PPP1R36: variants seen among roughly 807,000 people sequenced by gnomAD.
PPP1R36 encodes chromosome 14 open reading frame 50.
Under a neutral mutation model 53.4 loss-of-function variants are expected in PPP1R36, and 47 were observed. The observed-to-expected ratio is 0.88, with a 90% CI of 0.70 to 1.12. PPP1R36 has a LOEUF of 1.12. Ranked by LOEUF, PPP1R36 falls within the 50% of genes most tolerant of loss-of-function variation. The probability of loss-of-function intolerance (pLI) is 0.00; values close to 1 mark genes in which losing one functional copy is unlikely to be tolerated. For synonymous variants in PPP1R36, 153 were observed against 170.5 expected (o/e 0.90, Z 0.80); for missense variants, 456 against 513.9 (o/e 0.89, Z 1.09).
At position 64,549,978 on chromosome 14, in the gene PPP1R36, A is replaced by T; in HGVS notation, c.-20A>T. 6.4e-7 allele frequency: 1 copy of T among 1,556,944 alleles called. No individual in the cohort carries two copies. Among genetic ancestry groups the T allele is most frequent in the African/African-American group, 1.4e-5 (1 of 73,320 alleles). ...CGGGCGGTATCCTCGGCGACGCCGTATGGCTTCCAGGGCGAGGCCATGTAC... is the reference window on the plus strand; with the variant it reads ...CGGGCGGTATCCTCGGCGACGCCGTTTGGCTTCCAGGGCGAGGCCATGTAC... On this transcript the variant is annotated 5_prime_UTR_variant, in exon 1 of 12. The change abolishes an upstream ATG in the 5' untranslated region. Transcript: ENST00000298705.
chr14:64,587,179 TA>T lies in PPP1R36; in HGVS notation c.712-14del, dbSNP rs533130815. The T allele has an allele frequency of 3.0e-3, 4,790 of 1,590,162 alleles. 17 individuals are homozygous for T. Among genetic ancestry groups the T allele is most frequent in the Non-Finnish European group, 3.4e-3 (3,982 of 1,164,450 alleles). On this transcript the variant is annotated splice_polypyrimidine_tract_variant and intron_variant, in intron 9 of 11. Coordinates refer to ENST00000298705, the MANE Select transcript of PPP1R36 (RefSeq NM_172365.3). ...ACAGCTAAGGATCGTGATTCTTGTC[TA>T]TTTTTTGTTGTAGTCCTTTTATACT... is the stretch of plus-strand genomic sequence containing the variant.
chr14:64,558,093 C>T (rs921081067), intron 3 of PPP1R36, among the ~76,000 whole-genome samples: 13 of 152,064 alleles, frequency 8.5e-5, no homozygotes, highest in Admixed American at 7.2e-4. Flanking sequence ...GAGGATTGGG[C>T]AGGGAGGGGT....
intron 1 of PPP1R36, chr14:64,550,311 A>G (rs2080084260): frequency 1.5e-6 from 2 of 1,313,742 alleles, no homozygotes; most frequent in South Asian, 3.8e-5. Context: ...ACGAAATCCC[A>G]CCTCACCACC....
chr14:64,587,264 A>T lies in PPP1R36; in HGVS notation c.782A>T (p.Glu261Val). Residue 261 changes from glutamate to valine, a missense_variant, in exon 10 of 12, where the codon GAA (glutamate) becomes GTA (valine). Physicochemically the swap from Glu to Val is moderately radical, Grantham distance 121. Transcript: ENST00000298705. ...CGTCAACACTTGACAGAGATTGAAG[A>T]AGAAGTAGGGAGACTCTTTCGTACC... ...FRRQHLTEIE[E>V]EVGRLFRTNM... The T allele has an allele frequency of 6.2e-7, 1 of 1,613,660 alleles. No homozygotes were observed. The highest frequency in any genetic ancestry group is 8.5e-7 in the Non-Finnish European group (1 of 1,179,604).
At chr14:64,556,718 T>C (rs551947754) in intron 3 of PPP1R36, among the ~76,000 whole-genome samples, 69 of 149,910 alleles carry the variant, frequency 4.6e-4, no homozygotes, top group African/African-American at 1.6e-3. Context: ...ATTGCGCCAC[T>C]GTGCTCTAGC....
chr14:64,564,946 T>A (rs2080237558), intron 4 of PPP1R36, 109 bp downstream of exon 4: 3 of 700,012 alleles, frequency 4.3e-6, no homozygotes, highest in Non-Finnish European at 7.3e-6. Flanking sequence ...TAGGTCGCAA[T>A]GCGAATACCC....
At chr14:64,582,870 T>A (rs2080399786) in intron 8 of PPP1R36, among the ~76,000 whole-genome samples, 2 of 151,270 alleles carry the variant, frequency 1.3e-5, no homozygotes, top group Non-Finnish European at 3.0e-5. Context: ...TTTAATTTTT[T>A]AAAATTTAAT....
At chr14:64,558,001 T>TAGAA (rs10690207) in intron 3 of PPP1R36, among the ~76,000 whole-genome samples, 121,934 of 151,512 alleles carry the variant, frequency 0.8, 49,185 homozygotes, top group East Asian at 0.87. Flanking sequence ...AGAAAAAAAA[T>TAGAA]AGAGAAAGAA....
At chr14:64,578,807 C>T (rs946681640) in intron 8 of PPP1R36, among the ~76,000 whole-genome samples, 12 of 152,158 alleles carry the variant, frequency 7.9e-5, no homozygotes, top group African/African-American at 2.7e-4. Context: ...CACATGCATG[C>T]AAATGTTCAC....
At chr14:64,551,874 T>C (rs559767328) in intron 2 of PPP1R36, among the ~76,000 whole-genome samples, 113 of 152,316 alleles carry the variant, frequency 7.4e-4, no homozygotes, top group Non-Finnish European at 1.2e-3. Flanking sequence ...TTATTGAGCA[T>C]GTTCAAAGAA....
chr14:64,556,601 ATTT>A (rs753994540), intron 3 of PPP1R36, among the ~76,000 whole-genome samples: 4 of 122,866 alleles, frequency 3.3e-5, no homozygotes, highest in Non-Finnish European at 1.6e-5. Flanking sequence ...TGTTCCCACA[ATTT>A]TTTTTTTTTT....
chr14:64,587,167 G>C (rs1043837202), intron 9 of PPP1R36, 27 bp from the exon 10 acceptor site: 1 of 1,564,816 alleles, frequency 6.4e-7, no homozygotes, highest in South Asian at 1.2e-5. Flanking sequence ...GCTAAGGATC[G>C]TGATTCTTGT....
rs550858957 is a variant in PPP1R36 at position 64,553,434 on chromosome 14, A to C, written c.182+573A>C. On this transcript the variant is annotated intron_variant, in intron 3 of 11. Coordinates refer to ENST00000298705, the MANE Select transcript of PPP1R36 (RefSeq NM_172365.3). Reference sequence around the variant, plus strand: ...TTTTGTTTGTTCCCAAATTGTTCTTAAACTGTGGTTTGATTTGATTTCCAC... The same window carrying C: ...TTTTGTTTGTTCCCAAATTGTTCTTCAACTGTGGTTTGATTTGATTTCCAC... Among the ~76,000 whole-genome samples, 7 of 152,280 alleles carry C rather than the reference A, an allele frequency of 4.6e-5. No homozygotes were observed. In the South Asian group the frequency reaches 1.4e-3, roughly 32 times the overall value.
chr14:64,581,714 A>G (rs1391891015), intron 8 of PPP1R36, among the ~76,000 whole-genome samples: 1 of 152,136 alleles, frequency 6.6e-6, no homozygotes, highest in Non-Finnish European at 1.5e-5. Context: ...ACTACAACAC[A>G]TTATGCTGCG....
At chr14:64,565,545 C>T in intron 5 of PPP1R36, 81 bp from the exon 6 acceptor site, 1 of 1,416,302 alleles carries the variant, frequency 7.1e-7, no homozygotes, top group Admixed American at 1.7e-5. Context: ...CTACATATAA[C>T]ATCCATACAT....
In PPP1R36 at chr14:64,565,709, A is replaced by G; in HGVS notation, c.434+17A>G. 5.1e-6 allele frequency: 8 copies of G among 1,562,096 alleles called. No individual in the cohort carries two copies. Among genetic ancestry groups the G allele is most frequent in the Non-Finnish European group, 7.1e-6 (8 of 1,133,094 alleles). On this transcript the variant is annotated intron_variant, in intron 6 of 11. Transcript: ENST00000298705. ...ATTTATGAGGTATCTATTGCTTATGAGTCATTTTAGATCTTTTATCCTTTA... is the reference window on the plus strand; with the variant it reads ...ATTTATGAGGTATCTATTGCTTATGGGTCATTTTAGATCTTTTATCCTTTA...
chr14:64,555,771 C>T (rs1052777813), intron 3 of PPP1R36, among the ~76,000 whole-genome samples: 7 of 152,140 alleles, frequency 4.6e-5, no homozygotes, highest in African/African-American at 1.7e-4. Flanking sequence ...AAACAAAGCA[C>T]AGTCCCACCC....
intron 7 of PPP1R36, among the ~76,000 whole-genome samples, chr14:64,572,377 T>A (rs1439300919): frequency 4.6e-5 from 7 of 152,192 alleles, no homozygotes; most frequent in African/African-American, 7.2e-5. Flanking sequence ...ACTGGCTTTG[T>A]ATTTAAGGCA....
intron 2 of PPP1R36, among the ~76,000 whole-genome samples, chr14:64,552,074 A>AGGAT (rs1338448211): frequency 6.6e-6 from 1 of 152,228 alleles, no homozygotes; most frequent in Admixed American, 6.5e-5. Flanking sequence ...TAGGATTGAT[A>AGGAT]GGATGTGGGG....
Sources: gnomAD v4.1 joint callset for allele counts (sites outside exome capture counted in the v4.1 genomes callset) on GRCh38, gnomAD v4.1.1 for gene constraint, MANE v1.5 for transcripts, NCBI Gene and HGNC (gene_info 2026-07-23, HGNC 2026-07-21) for gene names.